The following PCDH15 variants were observed in gnomAD, a reference collection of about 807,000 sequenced individuals.
PCDH15 encodes the protein protocadherin related 15.
In PCDH15, 129 loss-of-function variants were observed where a neutral mutation model predicts 178.5. That is an observed-to-expected ratio of 0.72 (90% CI 0.63 to 0.84). The LOEUF (loss-of-function observed/expected upper bound fraction) is 0.84. Ranked by LOEUF, PCDH15 falls within the 40% of genes least tolerant of loss-of-function variation. The pLI is 0.00. For missense variants in PCDH15, 2,230 were observed against 2,099.9 expected (o/e 1.06, Z -1.21); for synonymous variants, 800 against 732.0 (o/e 1.09, Z -1.50).
At chr10:55,228,875 C>T (rs1319557261) in intron 1 of PCDH15, among the ~76,000 whole-genome samples, 1 of 151,812 alleles carries the variant, frequency 6.6e-6, no homozygotes, top group African/African-American at 2.4e-5. Context: ...ATCATTTACT[C>T]CCATCACAAT....
At chr10:53,974,167 T>C (rs1263230179) in intron 21 of PCDH15, among the ~76,000 whole-genome samples, 3 of 151,986 alleles carry the variant, frequency 2.0e-5, no homozygotes, top group Non-Finnish European at 2.9e-5. Flanking sequence ...ACAGGGACGC[T>C]CCATGCCTGG....
chr10:54,237,078 G>T, intron 8 of PCDH15, 147 bp from the exon 9 acceptor site: 1 of 748,440 alleles, frequency 1.3e-6, no homozygotes, highest in Non-Finnish European at 2.4e-6. Flanking sequence ...CCTTTTACTA[G>T]TTAATTTTGA....
chr10:55,189,124 G>A (rs1433358943), intron 1 of PCDH15, among the ~76,000 whole-genome samples: 1 of 151,780 alleles, frequency 6.6e-6, no homozygotes, highest in East Asian at 1.9e-4. Context: ...GGCTACACAA[G>A]GAGCATGGAT....
chr10:55,047,291 G>A (rs1280690534), intron 2 of PCDH15, among the ~76,000 whole-genome samples: 1 of 151,582 alleles, frequency 6.6e-6, no homozygotes, highest in African/African-American at 2.4e-5. Flanking sequence ...GGTTGCTAAT[G>A]GTAATTAAAA....
intron 3 of PCDH15, among the ~76,000 whole-genome samples, chr10:54,486,985 G>T (rs2079157310): frequency 6.6e-6 from 1 of 152,002 alleles, no homozygotes; most frequent in African/African-American, 2.4e-5. Context: ...AGTACTAGCT[G>T]CTGGTTTCAT....
chr10:55,339,317 A>AACAAG (rs1421017266), intron 2 of PCDH15, among the ~76,000 whole-genome samples: 4 of 131,662 alleles, frequency 3.0e-5, no homozygotes, highest in Admixed American at 7.8e-5. Context: ...ACAACAACAA[A>AACAAG]GAATTTACTA....
intron 13 of PCDH15, among the ~76,000 whole-genome samples, chr10:54,176,110 T>G (rs1217833897): frequency 6.6e-6 from 1 of 152,156 alleles, no homozygotes; most frequent in Non-Finnish European, 1.5e-5. Context: ...AACATATATC[T>G]AAAATTAGGT....
chr10:55,091,718 T>G (rs1431525560), intron 2 of PCDH15, among the ~76,000 whole-genome samples: 1 of 151,956 alleles, frequency 6.6e-6, no homozygotes, highest in Non-Finnish European at 1.5e-5. Context: ...TTGTCAATTA[T>G]TTTTACTACA....
At chr10:55,345,156 TC>T (rs1453061008) in intron 2 of PCDH15, among the ~76,000 whole-genome samples, 1 of 150,260 alleles carries the variant, frequency 6.7e-6, no homozygotes, top group African/African-American at 2.5e-5. Flanking sequence ...TCTCTCTCTC[TC>T]TATATATATA....
rs1347306483 is a variant in PCDH15, at chr10:54,099,513, A to AAATATATAT, written c.1918-9451_1918-9450insATATATATT. On this transcript the variant is annotated intron_variant, in intron 15 of 37. Transcript: ENST00000644397. ...GACTCCATCTCAAAAAAAAAAAAAA[A>AAATATATAT]ATATATATATATATATATAAAACAA... Among the ~76,000 whole-genome samples, 574 of 117,666 alleles carry AAATATATAT rather than the reference A, an allele frequency of 4.9e-3. 17 individuals are homozygous for AAATATATAT. Among genetic ancestry groups the AAATATATAT allele is most frequent in the African/African-American group, 0.021 (541 of 25,912 alleles). 77.2% of individuals were successfully genotyped at this position (117,666 alleles called of 152,430 possible). A position where few individuals can be genotyped will look rare whatever the true frequency, so the allele number is the denominator to read the frequency against.
chr10:54,921,761 A>C (rs1837495105), intron 2 of PCDH15, among the ~76,000 whole-genome samples: 1 of 152,138 alleles, frequency 6.6e-6, no homozygotes, highest in Non-Finnish European at 1.5e-5. Flanking sequence ...AACTGGCATA[A>C]AAAAACTACC....
At chr10:54,055,971 CA>C (rs1465042136) in intron 18 of PCDH15, among the ~76,000 whole-genome samples, 6 of 152,156 alleles carry the variant, frequency 3.9e-5, no homozygotes, top group African/African-American at 1.2e-4. Context: ...CTGATGACAT[CA>C]GGTTTATAAT....
At chr10:55,355,010 C>G (rs944866377) in intron 2 of PCDH15, among the ~76,000 whole-genome samples, 14 of 151,954 alleles carry the variant, frequency 9.2e-5, no homozygotes, top group Non-Finnish European at 4.4e-5. Context: ...AAGGAATTAA[C>G]TTTTTAAAGA....
chr10:54,147,449 T>C (rs1003305293), intron 14 of PCDH15, among the ~76,000 whole-genome samples: 6 of 151,886 alleles, frequency 4.0e-5, no homozygotes, highest in African/African-American at 1.4e-4. Flanking sequence ...TATTGATAAT[T>C]ATAGACAATA....
chr10:55,093,196 A>G (rs920070732), intron 2 of PCDH15, among the ~76,000 whole-genome samples: 3 of 152,102 alleles, frequency 2.0e-5, no homozygotes, highest in Non-Finnish European at 2.9e-5. Context: ...AAAAATATCC[A>G]TCAATATTTA....
chr10:55,618,468 C>A (rs1843522302), intron 2 of PCDH15, among the ~76,000 whole-genome samples: 1 of 151,944 alleles, frequency 6.6e-6, no homozygotes, highest in South Asian at 2.1e-4. Context: ...AGTATCATGA[C>A]AAACACTTTG....
intron 37 of PCDH15, chr10:53,808,226 G>T (rs1459048468): frequency 1.1e-5 from 2 of 184,830 alleles, no homozygotes; most frequent in Non-Finnish European, 1.0e-5. Context: ...CAGTTGAAAC[G>T]TACATATATG....
intron 16 of PCDH15, among the ~76,000 whole-genome samples, chr10:54,081,945 C>A (rs1247116942): frequency 6.6e-6 from 1 of 152,074 alleles, no homozygotes; most frequent in Non-Finnish European, 1.5e-5. Context: ...AAAACAGTCA[C>A]AGGTTTATAG....
At chr10:53,870,587 T>G (rs2079768503) in intron 26 of PCDH15, among the ~76,000 whole-genome samples, 1 of 152,202 alleles carries the variant, frequency 6.6e-6, no homozygotes, top group South Asian at 2.1e-4. Context: ...GTATGTTCAG[T>G]TGAATACTAG....
Sources: allele counts gnomAD v4.1 joint callset (sites outside exome capture counted in the v4.1 genomes callset), GRCh38; gene constraint gnomAD v4.1.1; transcripts MANE v1.5; gene names NCBI Gene and HGNC (gene_info 2026-07-23, HGNC 2026-07-21).